Variants in MED27 observed in about 807,000 individuals in gnomAD.
MED27 encodes the protein mediator complex subunit 27, also known as mediator of RNA polymerase II transcription subunit 27.
MED27 carries 30 observed loss-of-function variants against 38.2 expected under a neutral mutation model. The observed-to-expected ratio is 0.79, with a 90% CI of 0.59 to 1.07. MED27 has a LOEUF of 1.07. Ranked by LOEUF, MED27 falls within the 50% of genes least tolerant of loss-of-function variation. The pLI, the probability that MED27 is intolerant of heterozygous loss-of-function variation, is 0.00. For synonymous variants in MED27, 122 were observed against 153.5 expected (o/e 0.79, Z 1.52); for missense variants, 289 against 397.5 (o/e 0.73, Z 2.32).
chr9:131,869,346 GT>G (rs1220968131), intron 6 of MED27: 2 of 981,208 alleles, frequency 2.0e-6, no homozygotes, highest in Non-Finnish European at 2.4e-6. Context: ...CAACAAAGTT[GT>G]TTTTTTGCTC....
intron 6 of MED27, among the ~76,000 whole-genome samples, chr9:131,871,092 C>G (rs913104417): frequency 6.6e-6 from 1 of 152,100 alleles, no homozygotes; most frequent in Admixed American, 6.5e-5. Context: ...GTGCATCCCA[C>G]TGTGTGCCCG....
intron 3 of MED27, among the ~76,000 whole-genome samples, chr9:131,948,095 T>C (rs1830917508): frequency 6.6e-6 from 1 of 152,170 alleles, no homozygotes; most frequent in African/African-American, 2.4e-5. Flanking sequence ...GAAGCTTAGG[T>C]CAAATTTGCT....
intron 3 of MED27, among the ~76,000 whole-genome samples, chr9:131,974,374 T>G (rs1831558199): frequency 6.6e-6 from 1 of 152,244 alleles, no homozygotes; most frequent in South Asian, 2.1e-4. Flanking sequence ...TAGGAATCCC[T>G]GAGGCTCCTG....
At chr9:132,029,698 A>C (rs745410573) in intron 2 of MED27, among the ~76,000 whole-genome samples, 1 of 152,216 alleles carries the variant, frequency 6.6e-6, no homozygotes, top group Non-Finnish European at 1.5e-5. Context: ...GGGGAGGAAG[A>C]CAAGCCAAGA....
chr9:131,976,194 C>T (rs1831605323), intron 3 of MED27, among the ~76,000 whole-genome samples: 1 of 152,146 alleles, frequency 6.6e-6, no homozygotes, highest in African/African-American at 2.4e-5. Flanking sequence ...TAATCCAACT[C>T]CTGGTAATTA....
intron 3 of MED27, among the ~76,000 whole-genome samples, chr9:131,991,246 TA>T (rs1831966846): frequency 6.6e-6 from 1 of 152,182 alleles, no homozygotes; most frequent in Non-Finnish European, 1.5e-5. Flanking sequence ...GAGAGAGAAA[TA>T]CTCTCAGATA....
intron 4 of MED27, among the ~76,000 whole-genome samples, chr9:131,916,124 G>A (rs371636062): frequency 6.6e-6 from 1 of 152,130 alleles, no homozygotes. Context: ...TATTAAAATT[G>A]AGCAACTGTT....
intron 3 of MED27, among the ~76,000 whole-genome samples, chr9:131,989,689 GA>G (rs1485627085): frequency 5.3e-5 from 8 of 151,692 alleles, no homozygotes; most frequent in African/African-American, 1.5e-4. Flanking sequence ...AGAGTAGAGA[GA>G]ACCATACAAT....
At chr9:131,867,322 G>T (rs1838754120) in intron 6 of MED27, among the ~76,000 whole-genome samples, 1 of 152,190 alleles carries the variant, frequency 6.6e-6, no homozygotes, top group Non-Finnish European at 1.5e-5. Flanking sequence ...TCTTGGACTT[G>T]CCCTCTGTGG....
At chr9:132,028,240 A>T (rs1319204409) in intron 2 of MED27, among the ~76,000 whole-genome samples, 1 of 152,162 alleles carries the variant, frequency 6.6e-6, no homozygotes, top group Admixed American at 6.5e-5. Flanking sequence ...CTTCTAAGAG[A>T]GCCTTTTCTG....
At chr9:131,876,963 A>G (rs907279248) in intron 6 of MED27, among the ~76,000 whole-genome samples, 15 of 152,200 alleles carry the variant, frequency 9.9e-5, no homozygotes, top group South Asian at 2.1e-4. Context: ...TCCTTACAAC[A>G]TAAGTTCTCC....
intron 3 of MED27, among the ~76,000 whole-genome samples, chr9:131,975,232 T>A (rs1303445340): frequency 1.3e-5 from 2 of 152,244 alleles, no homozygotes; most frequent in Non-Finnish European, 2.9e-5. Context: ...ATCAAATAAA[T>A]AGCAGCTTAG....
At chr9:131,871,988 C>T (rs927234692) in intron 6 of MED27, among the ~76,000 whole-genome samples, 5 of 152,182 alleles carry the variant, frequency 3.3e-5, no homozygotes, top group African/African-American at 1.2e-4. Context: ...CAGGGGCTCC[C>T]GAGTGCCCAA....
At chr9:131,898,742 G>A (rs968391046) in intron 4 of MED27, among the ~76,000 whole-genome samples, 5 of 151,800 alleles carry the variant, frequency 3.3e-5, no homozygotes, top group African/African-American at 1.2e-4. Context: ...GTGCCACCAC[G>A]CCCGGCTAAT....
chr9:131,945,878 G>A (rs1187548647), intron 3 of MED27, among the ~76,000 whole-genome samples: 1 of 151,006 alleles, frequency 6.6e-6, no homozygotes, highest in Non-Finnish European at 1.5e-5. Flanking sequence ...TGAGATGGGA[G>A]GATTGCTTGA....
intron 2 of MED27, among the ~76,000 whole-genome samples, chr9:132,055,971 G>T (rs1349564326): frequency 6.6e-6 from 1 of 152,210 alleles, no homozygotes; most frequent in African/African-American, 2.4e-5. Flanking sequence ...AGCAAAAGGA[G>T]ATTAATTCGC....
intron 5 of MED27, among the ~76,000 whole-genome samples, chr9:131,886,558 C>A (rs1318982129): frequency 3.3e-5 from 5 of 152,228 alleles, no homozygotes; most frequent in African/African-American, 1.2e-4. Flanking sequence ...GTGCCCCCCA[C>A]TGAAACCACT....
intron 5 of MED27, among the ~76,000 whole-genome samples, chr9:131,887,589 A>G (rs1004791272): frequency 2.0e-5 from 3 of 152,208 alleles, no homozygotes; most frequent in Admixed American, 2.0e-4. Context: ...CATTTCAGGG[A>G]GCCAGGACTG....
chr9:132,023,148 G>A (rs1035039738), intron 2 of MED27, among the ~76,000 whole-genome samples: 2 of 152,148 alleles, frequency 1.3e-5, no homozygotes, highest in African/African-American at 4.8e-5. Flanking sequence ...GTGAGGCATG[G>A]GGGAAGAACT....
Sources: allele counts gnomAD v4.1 joint callset (sites outside exome capture counted in the v4.1 genomes callset), GRCh38; gene constraint gnomAD v4.1.1; transcripts MANE v1.5; gene names NCBI Gene and HGNC (gene_info 2026-07-23, HGNC 2026-07-21).